The following DPH6 variants were observed in gnomAD, a reference collection of about 807,000 sequenced individuals.
DPH6 encodes the protein diphthamine biosynthesis 6, also known as diphthine--ammonia ligase.
DPH6 carries 33 observed loss-of-function variants against 38.2 expected under a neutral mutation model. That is an observed-to-expected ratio of 0.86 (90% CI 0.65 to 1.15). The LOEUF (loss-of-function observed/expected upper bound fraction) is 1.15, where lower values mean the gene tolerates loss of function less well. Ranked by LOEUF, DPH6 falls within the 50% of genes most tolerant of loss-of-function variation. The probability of loss-of-function intolerance (pLI) is 0.00; values close to 1 mark genes in which losing one functional copy is unlikely to be tolerated. For synonymous variants in DPH6, 108 were observed against 103.0 expected (o/e 1.05, Z -0.30); for missense variants, 325 against 320.0 (o/e 1.02, Z -0.12).
At chr15:35,410,496 T>C (rs1407714534) in intron 6 of DPH6, among the ~76,000 whole-genome samples, 1 of 151,726 alleles carries the variant, frequency 6.6e-6, no homozygotes, top group Non-Finnish European at 1.5e-5. Context: ...TACTCCTGTT[T>C]CTGATGAAAA....
chr15:35,164,669 G>A, the DPH6 span, among the ~76,000 whole-genome samples: 35,850 of 151,602 alleles, frequency 0.24, 4,547 homozygotes, highest in East Asian at 0.39. Flanking sequence ...GTCTCTTGCC[G>A]TATTTTTACC....
At chr15:35,321,231 C>G (rs1260132823) in intron 3 of DPH6, among the ~76,000 whole-genome samples, 3 of 152,236 alleles carry the variant, frequency 2.0e-5, no homozygotes, top group African/African-American at 7.2e-5. Context: ...AAACTATGAA[C>G]TAAATTCCTC....
chr15:35,326,364 T>C (rs141558581), downstream of DPH6, among the ~76,000 whole-genome samples: 430 of 152,304 alleles, frequency 2.8e-3, 3 homozygotes, highest in African/African-American at 1.0e-2. Context: ...CTAAGTTACA[T>C]ACATAATTAA....
intron 3 of DPH6, chr15:35,299,027 T>C: frequency 1.4e-6 from 1 of 725,350 alleles, no homozygotes; most frequent in South Asian, 1.6e-5. Context: ...GTGCATCATG[T>C]CTGTATTTAT....
chr15:35,340,639 C>T (rs2052413646), intron 3 of DPH6, among the ~76,000 whole-genome samples: 1 of 152,162 alleles, frequency 6.6e-6, no homozygotes, highest in African/African-American at 2.4e-5. Flanking sequence ...GCTTATGAAG[C>T]TTAGTTTGGC....
chr15:35,535,264 G>T (rs1399965816), intron 3 of DPH6, among the ~76,000 whole-genome samples: 4 of 152,124 alleles, frequency 2.6e-5, no homozygotes, highest in Non-Finnish European at 5.9e-5. Flanking sequence ...ATCAGCAAAA[G>T]GCTAGAGAAC....
chr15:35,360,680 C>T (rs1228484837), intron 3 of DPH6, among the ~76,000 whole-genome samples: 1 of 152,192 alleles, frequency 6.6e-6, no homozygotes, highest in East Asian at 1.9e-4. Flanking sequence ...GGTGTGCCTG[C>T]TATTGGGGGC....
intron 3 of DPH6, among the ~76,000 whole-genome samples, chr15:35,300,650 TA>T (rs1476958222): frequency 6.6e-6 from 1 of 152,224 alleles, no homozygotes; most frequent in Non-Finnish European, 1.5e-5. Flanking sequence ...GTCAAGTTAA[TA>T]AACTATTACG....
chr15:35,221,907 T>C (rs1441271182), intron 3 of DPH6, among the ~76,000 whole-genome samples: 3 of 152,238 alleles, frequency 2.0e-5, no homozygotes, highest in Non-Finnish European at 4.4e-5. Flanking sequence ...CTCAATATTT[T>C]GCTTAGAAAT....
intron 3 of DPH6, among the ~76,000 whole-genome samples, chr15:35,475,331 CA>C (rs2054251423): frequency 6.6e-6 from 1 of 151,884 alleles, no homozygotes; most frequent in South Asian, 2.1e-4. Context: ...ATGCAAACAC[CA>C]GAAGTGGTTT....
rs964850094 is a variant in DPH6 at position 35,450,548 on chromosome 15, C to T, written c.505+137G>A. On this transcript the variant is annotated intron_variant, in intron 5 of 8. Coordinates refer to ENST00000256538, the MANE Select transcript of DPH6 (RefSeq NM_080650.4). ...TCCTTTTCTTTATGCAAGGAAGGTGCTTACTCAATTTCTTCAGCTGTGACT... is the reference window on the plus strand; with the variant it reads ...TCCTTTTCTTTATGCAAGGAAGGTGTTTACTCAATTTCTTCAGCTGTGACT... The T allele has an allele frequency of 2.7e-5, 19 of 708,646 alleles. No individual in the cohort carries two copies. The Admixed American group carries it at 4.5e-4, about 17-fold the overall frequency. The allele number at this position is 708,646 out of a possible 1,614,324, so 43.9% of individuals were successfully genotyped here. A position where few individuals can be genotyped will look rare whatever the true frequency, so the allele number is the denominator to read the frequency against.
chr15:35,455,792 C>T (rs2053989112), intron 3 of DPH6, among the ~76,000 whole-genome samples: 1 of 152,090 alleles, frequency 6.6e-6, no homozygotes, highest in African/African-American at 2.4e-5. Context: ...CCATCCTAGC[C>T]TGTGGATGTA....
intron 3 of DPH6, among the ~76,000 whole-genome samples, chr15:35,294,557 G>A (rs1003418542): frequency 2.0e-5 from 3 of 151,462 alleles, no homozygotes; most frequent in East Asian, 1.9e-4. Context: ...CTCCTTTGCC[G>A]TTTTTTTTGT....
At chr15:35,350,135 G>C (rs2052497259) in intron 3 of DPH6, among the ~76,000 whole-genome samples, 1 of 152,046 alleles carries the variant, frequency 6.6e-6, no homozygotes, top group Non-Finnish European at 1.5e-5. Flanking sequence ...CTCGTTATTG[G>C]TCTACAAAGA....
At chr15:35,459,747 G>T (rs777075330) in intron 3 of DPH6, among the ~76,000 whole-genome samples, 2 of 152,100 alleles carry the variant, frequency 1.3e-5, no homozygotes, top group Admixed American at 6.5e-5. Context: ...GAAAAGAGTG[G>T]TCATAATGAC....
chr15:35,488,250 C>A (rs1416932445), intron 3 of DPH6, among the ~76,000 whole-genome samples: 1 of 152,220 alleles, frequency 6.6e-6, no homozygotes, highest in Admixed American at 6.5e-5. Context: ...CCAACCTCTG[C>A]CCATTACCCA....
At chr15:35,359,244 C>T (rs1273145803) in intron 3 of DPH6, among the ~76,000 whole-genome samples, 2 of 152,070 alleles carry the variant, frequency 1.3e-5, no homozygotes, top group Non-Finnish European at 2.9e-5. Flanking sequence ...CCCCTCAACA[C>T]CCCCCAGACT....
In DPH6 at chr15:35,241,801, G is replaced by T. The variant is rs552323248; in HGVS notation, n.201-21219C>A. On this transcript the variant is annotated intron_variant and non_coding_transcript_variant, in intron 3 of 3. Coordinates refer to the DPH6 transcript ENST00000560386. ...GCATGCTTTGAAAAGATTAAAGCCT[G>T]TTATCACTCGCCTGCTACAGCATGG... 1.4e-5 allele frequency among the ~76,000 whole-genome samples: 2 copies of T among 143,184 alleles called. 1 individual carries two copies. Among genetic ancestry groups the T allele is most frequent in the African/African-American group, 5.0e-5 (2 of 39,670 alleles). The allele number at this position is 143,184 out of a possible 152,430, so 93.9% of individuals were successfully genotyped here.
chr15:35,178,701 T>G, the DPH6 span, among the ~76,000 whole-genome samples: 1 of 152,196 alleles, frequency 6.6e-6, no homozygotes, highest in African/African-American at 2.4e-5. Flanking sequence ...GTGATATGTG[T>G]AATTAAAAAT....
Sources: allele counts gnomAD v4.1 joint callset (sites outside exome capture counted in the v4.1 genomes callset), GRCh38; gene constraint gnomAD v4.1.1; transcripts MANE v1.5; gene names NCBI Gene and HGNC (gene_info 2026-07-23, HGNC 2026-07-21).